Variants in VCF1 observed in about 807,000 individuals in gnomAD.
The protein encoded by VCF1 is VCP nuclear cofactor family member 1, also known as protein VCF1.
the VCF1 span, chr17:73,212,818 T>C: frequency 9.1e-7 from 1 of 1,100,758 alleles, no homozygotes; most frequent in Non-Finnish European, 1.3e-6. Flanking sequence ...TTTCGTACTA[T>C]AATAGCACAA....
At chr17:73,227,122 C>T in the VCF1 span, 1 of 1,367,312 alleles carries the variant, frequency 7.3e-7, no homozygotes. Flanking sequence ...GGTTATTTAA[C>T]TCAAGCAGTG....
At chr17:73,231,327 A>C in the VCF1 span, among the ~76,000 whole-genome samples, 1 of 152,214 alleles carries the variant, frequency 6.6e-6, no homozygotes. Context: ...GAGGAAATTA[A>C]GAGAGAGAAA....
the VCF1 span, among the ~76,000 whole-genome samples, chr17:73,228,917 A>G: frequency 6.6e-6 from 1 of 152,196 alleles, no homozygotes; most frequent in Non-Finnish European, 1.5e-5. Flanking sequence ...CAGCGTGCCA[A>G]CAGCTGACTG....
chr17:73,225,591 T>A, the VCF1 span, among the ~76,000 whole-genome samples: 5 of 151,790 alleles, frequency 3.3e-5, no homozygotes, highest in Non-Finnish European at 7.4e-5. Context: ...GAAATGAACA[T>A]CATATAGCAG....
chr17:73,224,932 C>T, the VCF1 span, among the ~76,000 whole-genome samples: 8 of 147,456 alleles, frequency 5.4e-5, no homozygotes, highest in Admixed American at 1.4e-4. Context: ...CAGGACAGGA[C>T]AGCACAGCAC....
At chr17:73,229,247 T>C in the VCF1 span, 1 of 985,464 alleles carries the variant, frequency 1.0e-6, no homozygotes, top group Non-Finnish European at 1.2e-6. Context: ...CTGCTCTTCA[T>C]TTGCCTTTTT....
the VCF1 span, chr17:73,207,664 A>T: frequency 7.7e-7 from 1 of 1,295,180 alleles, no homozygotes; most frequent in Non-Finnish European, 1.0e-6. Flanking sequence ...TTTCCCCAAA[A>T]GTTTGACATT....
At chr17:73,212,621 A>G in the VCF1 span, 2 of 1,430,218 alleles carry the variant, frequency 1.4e-6, no homozygotes, top group Non-Finnish European at 1.9e-6. Flanking sequence ...GGCCACTTGC[A>G]CCTTGCGAAT....
At chr17:73,219,214 C>CA in the VCF1 span, among the ~76,000 whole-genome samples, 3 of 108,222 alleles carry the variant, frequency 2.8e-5, no homozygotes, top group Admixed American at 9.2e-5. Flanking sequence ...AAAAAAAAAA[C>CA]GACGAAACTG....
At chr17:73,207,866 C>T in the VCF1 span, 6 of 1,203,110 alleles carry the variant, frequency 5.0e-6, no homozygotes, top group East Asian at 3.0e-4. Context: ...GTATTCCCTA[C>T]CATCGAACCC....
the VCF1 span, among the ~76,000 whole-genome samples, chr17:73,231,330 G>C: frequency 6.6e-5 from 10 of 152,286 alleles, no homozygotes; most frequent in Non-Finnish European, 1.3e-4. Flanking sequence ...GAAATTAAGA[G>C]AGAGAAAAAA....
At chr17:73,229,473 C>T in the VCF1 span, 1 of 985,308 alleles carries the variant, frequency 1.0e-6, no homozygotes, top group Non-Finnish European at 1.2e-6. Context: ...TACCAGTTAG[C>T]ATCTGTTACT....
At chr17:73,225,909 T>A in the VCF1 span, among the ~76,000 whole-genome samples, 9 of 110,388 alleles carry the variant, frequency 8.2e-5, no homozygotes, top group South Asian at 2.8e-4. Context: ...ATTTTTTTTT[T>A]TTTTTTTTCT....
chr17:73,225,256 G>T, the VCF1 span, among the ~76,000 whole-genome samples: 1 of 152,158 alleles, frequency 6.6e-6, no homozygotes, highest in East Asian at 1.9e-4. Context: ...AGCTCAGCTA[G>T]AGAACCCAGG....
the VCF1 span, among the ~76,000 whole-genome samples, chr17:73,221,168 A>G: frequency 7.4e-6 from 1 of 135,844 alleles, no homozygotes; most frequent in South Asian, 2.4e-4. Context: ...AAGTGCTGGG[A>G]TTGCAGGCAT....
At chr17:73,211,444 C>T in the VCF1 span, among the ~76,000 whole-genome samples, 2 of 152,076 alleles carry the variant, frequency 1.3e-5, no homozygotes, top group Non-Finnish European at 2.9e-5. Flanking sequence ...TGGCAGGCGG[C>T]TGTAATCCCA....
chr17:73,212,877 G>T, the VCF1 span: 1 of 512,410 alleles, frequency 2.0e-6, no homozygotes, highest in Non-Finnish European at 3.4e-6. Context: ...ACAGATTAGG[G>T]AAGATTTCTG....
At chr17:73,226,289 A>G in the VCF1 span, among the ~76,000 whole-genome samples, 1 of 152,238 alleles carries the variant, frequency 6.6e-6, no homozygotes, top group Non-Finnish European at 1.5e-5. Context: ...CTGTCTCTGA[A>G]TGACTGTTAC....
chr17:73,208,354 T>G, the VCF1 span: 1 of 1,614,186 alleles, frequency 6.2e-7, no homozygotes, highest in Non-Finnish European at 8.5e-7. Context: ...GACCCGACAG[T>G]TCCTGGCTCC....
Sources: allele counts gnomAD v4.1 joint callset (sites outside exome capture counted in the v4.1 genomes callset), GRCh38; gene constraint gnomAD v4.1.1; transcripts MANE v1.5; gene names NCBI Gene and HGNC (gene_info 2026-07-23, HGNC 2026-07-21).